CDK18: variants seen among roughly 807,000 people sequenced by gnomAD.
The protein encoded by CDK18 is cyclin dependent kinase 18.
CDK18 carries 52 observed loss-of-function variants against 62.0 expected under a neutral mutation model. The observed-to-expected ratio is 0.84, with a 90% CI of 0.67 to 1.06. The LOEUF (loss-of-function observed/expected upper bound fraction) is 1.06. CDK18 is among the 50% of genes least tolerant of loss of function. The pLI is 0.00. For missense variants in CDK18, 604 were observed against 619.9 expected (o/e 0.97, Z 0.27); for synonymous variants, 237 against 247.0 (o/e 0.96, Z 0.38).
At chr1:205,530,109 T>G in intron 13 of CDK18, 150 bp from the exon 14 acceptor site, 1 of 1,456,286 alleles carries the variant, frequency 6.9e-7, no homozygotes, top group African/African-American at 1.4e-5. Flanking sequence ...GAGGTTGGGT[T>G]TGTGGTAGGG....
At chr1:205,521,892 G>C (rs1014135029) in intron 1 of CDK18, among the ~76,000 whole-genome samples, 2 of 152,254 alleles carry the variant, frequency 1.3e-5, no homozygotes, top group African/African-American at 4.8e-5. Context: ...CATCCTCCAG[G>C]AGTGGGCTGT....
chr1:205,505,133 C>G (rs1239172804), intron 1 of CDK18, among the ~76,000 whole-genome samples: 2 of 152,162 alleles, frequency 1.3e-5, no homozygotes, highest in South Asian at 2.1e-4. Context: ...ACTTTGGCCC[C>G]TGGGCTCCCG....
Position 205,531,513 on chromosome 1 carries a change from C to T in CDK18, c.*135C>T. 1.3e-6 allele frequency: 1 copy of T among 779,780 alleles called. No homozygotes were observed. The allele number at this position is 779,780 out of a possible 1,614,324, so 48.3% of individuals were successfully genotyped here. ...CCAGCCTGGAAGACCGCTTGGCAGC[C>T]CTTCTGGCCACGGCTGTTTCTTCTT... On this transcript the variant is annotated 3_prime_UTR_variant, in exon 16 of 16. Coordinates refer to ENST00000429964, the MANE Select transcript of CDK18 (RefSeq NM_212502.3).
chr1:205,529,789 C>A, intron 13 of CDK18: 1 of 1,462,366 alleles, frequency 6.8e-7, no homozygotes, highest in Non-Finnish European at 9.2e-7. Context: ...TAGCTCTGGG[C>A]AAGTTACAGA....
At chr1:205,508,510 T>A (rs1396589696) in intron 1 of CDK18, among the ~76,000 whole-genome samples, 1 of 152,126 alleles carries the variant, frequency 6.6e-6, no homozygotes, top group Non-Finnish European at 1.5e-5. Flanking sequence ...AGACCTCCTG[T>A]CTGAAAGAGA....
intron 1 of CDK18, chr1:205,522,896 C>T (rs563530002): frequency 3.6e-5 from 17 of 466,852 alleles, no homozygotes; most frequent in East Asian, 2.0e-4. Context: ...CTGCACAGGG[C>T]GTGGCGGGGC....
At chr1:205,507,633 CAAAAAAAAAAAAA>C (rs56313401) in intron 1 of CDK18, among the ~76,000 whole-genome samples, 21 of 72,204 alleles carry the variant, frequency 2.9e-4, no homozygotes, top group East Asian at 1.2e-3. Context: ...GACTCCGTCT[CAAAAAAAAAAAAA>C]AAAAAAAAAA....
At position 205,504,712 on chromosome 1, in the gene CDK18, G is replaced by T; in HGVS notation, c.-106G>T. On this transcript the variant is annotated 5_prime_UTR_variant, in exon 1 of 16. Coordinates refer to ENST00000429964, the MANE Select transcript of CDK18 (RefSeq NM_212502.3). ...GCCAGCTCAGGTTGCAGCTTCTCTG[G>T]GGAACTGCTCACCTTTCCGGAGCAG... 6.6e-6 allele frequency: 1 copy of T among 152,520 alleles called. No individual in the cohort carries two copies. The highest frequency in any genetic ancestry group is 2.0e-4 in the South Asian group (1 of 4,908). The allele number at this position is 152,520 out of a possible 1,614,324, so 9.4% of individuals were successfully genotyped here.
intron 1 of CDK18, among the ~76,000 whole-genome samples, chr1:205,513,387 G>A (rs1328394534): frequency 6.6e-6 from 1 of 152,264 alleles, no homozygotes; most frequent in African/African-American, 2.4e-5. Context: ...AGAACTGACA[G>A]AAGGGCTCCT....
chr1:205,529,833 G>A, intron 13 of CDK18: 2 of 1,370,748 alleles, frequency 1.5e-6, no homozygotes, highest in Non-Finnish European at 2.0e-6. Flanking sequence ...CAGCTGCAAA[G>A]TGGGATTAAT....
At chr1:205,513,731 C>T (rs776199296) in intron 1 of CDK18, among the ~76,000 whole-genome samples, 8 of 152,210 alleles carry the variant, frequency 5.3e-5, no homozygotes, top group South Asian at 2.1e-4. Flanking sequence ...CAAGCCCCTC[C>T]GAACCCCTTC....
At chr1:205,526,293 G>A in intron 6 of CDK18, 74 bp from the exon 7 acceptor site, 3 of 1,481,056 alleles carry the variant, frequency 2.0e-6, no homozygotes, top group Non-Finnish European at 2.8e-6. Context: ...GGGACTCCTG[G>A]CGCTGACCCC....
At position 205,530,661 on chromosome 1, in the gene CDK18, T is replaced by A; in HGVS notation, c.1346T>A (p.Leu449His). The A allele has an allele frequency of 2.5e-6, 4 of 1,613,882 alleles. No homozygotes were observed. Among genetic ancestry groups the A allele is most frequent in the Non-Finnish European group, 3.4e-6 (4 of 1,180,018 alleles). ...ASIFSLKEIQ[L>H]QKDPGYRGLA... ...ATCTTCTCCCTGAAGGAGATCCAGCTCCAGAAGGACCCAGGCTACCGAGGC... is the reference window on the plus strand; with the variant it reads ...ATCTTCTCCCTGAAGGAGATCCAGCACCAGAAGGACCCAGGCTACCGAGGC... Residue 449 changes from leucine to histidine, a missense_variant, in exon 15 of 16, where the codon CTC becomes CAC. Coordinates refer to ENST00000429964, the MANE Select transcript of CDK18 (RefSeq NM_212502.3).
Position 205,531,347 on chromosome 1 carries a change from G to A in CDK18, c.1394G>A (p.Arg465Gln), listed in dbSNP as rs146562756. Residue 465 changes from arginine to glutamine, a missense_variant, in exon 16 of 16, where the codon CGA becomes CAA. Physicochemically the swap from Arg to Gln is conservative, Grantham distance 43. Coordinates refer to ENST00000429964, the MANE Select transcript of CDK18 (RefSeq NM_212502.3). ...CCACCTCTTCTCCATTCTCCAGGAC[G>A]AGGGAAGAACAGGCGGCAGAGCATC... The part of the protein sequence containing the change: ...YRGLAFQQPG[R>Q]GKNRRQSIF The A allele has an allele frequency of 9.7e-4, 1,565 of 1,614,136 alleles. 1 individual carries two copies. The highest frequency in any genetic ancestry group is 1.2e-3 in the Non-Finnish European group (1,392 of 1,179,974).
At chr1:205,523,097 A>C in intron 1 of CDK18, 50 bp from the exon 2 acceptor site, 1 of 1,544,486 alleles carries the variant, frequency 6.5e-7, no homozygotes, top group Non-Finnish European at 8.7e-7. Context: ...GGAGACCTGG[A>C]CTGGTTGCCT....
rs1443976120 is a variant in CDK18 at position 205,523,271 on chromosome 1, AC to A, written c.106del (p.Gln36SerfsTer110). Reference protein sequence around the residue: ...ESLAEFTEQFNQLHNRRNENL... With the variant: ...ESLAEFTEQFXQLHNRRNENL... ...TTGGCTGAATTCACGGAGCAATTCA[AC>A]CAGCTCCACAACCGGCGGAATGAGA... is the stretch of plus-strand genomic sequence containing the variant. On this transcript the variant is annotated frameshift_variant, in exon 2 of 16. Coordinates refer to ENST00000429964, the MANE Select transcript of CDK18 (RefSeq NM_212502.3). LOFTEE classifies it high-confidence loss of function. 6.2e-7 allele frequency: 1 copy of A among 1,614,144 alleles called. No individual in the cohort carries two copies. The highest frequency in any genetic ancestry group is 8.5e-7 in the Non-Finnish European group (1 of 1,180,020).
At chr1:205,522,807 G>A (rs1454861777) in intron 1 of CDK18, 4 of 178,528 alleles carry the variant, frequency 2.2e-5, no homozygotes, top group Non-Finnish European at 4.7e-5. Flanking sequence ...TTAGGTCTGG[G>A]GGGCCTTCAG....
chr1:205,518,808 G>A (rs886446983), intron 1 of CDK18, among the ~76,000 whole-genome samples: 2 of 152,322 alleles, frequency 1.3e-5, no homozygotes, highest in South Asian at 4.1e-4. Flanking sequence ...CTCCTTCTGT[G>A]CCACCCATGG....
rs200169046 is a variant in CDK18, at chr1:205,530,620, T to A, written c.1313-8T>A. ...GCCCTCTCCAGACTATGCACTTCTC[T>A]CCCCCAGCTGCCTCCATCTTCTCCC... On this transcript the variant is annotated splice_region_variant and splice_polypyrimidine_tract_variant and intron_variant, in intron 14 of 15. Coordinates refer to ENST00000429964, the MANE Select transcript of CDK18 (RefSeq NM_212502.3). The A allele has an allele frequency of 6.2e-7, 1 of 1,613,490 alleles. No individual in the cohort carries two copies. Among genetic ancestry groups the A allele is most frequent in the Non-Finnish European group, 8.5e-7 (1 of 1,179,686 alleles).
Sources: allele counts gnomAD v4.1 joint callset (sites outside exome capture counted in the v4.1 genomes callset), GRCh38; gene constraint gnomAD v4.1.1; transcripts MANE v1.5; gene names NCBI Gene and HGNC (gene_info 2026-07-23, HGNC 2026-07-21).